The following ARHGAP22 variants were observed in gnomAD, a reference collection of about 807,000 sequenced individuals.
ARHGAP22 encodes the protein Rho GTPase activating protein 22, also known as rho GTPase-activating protein 22.
ARHGAP22 carries 48 observed loss-of-function variants against 59.1 expected under a neutral mutation model. That is an observed-to-expected ratio of 0.81 (90% CI 0.64 to 1.03). ARHGAP22 has a LOEUF of 1.03. Among genes scored for constraint, ARHGAP22 ranks in the 50% least tolerant of loss-of-function variants. The pLI is 0.00. For missense variants in ARHGAP22, 1,015 were observed against 958.7 expected, an observed-to-expected ratio of 1.06 and a Z score of -0.78; for synonymous variants, 445 against 416.4, an observed-to-expected ratio of 1.07 and a Z score of -0.84.
At chr10:48,565,416 C>T (rs967712551) in intron 2 of ARHGAP22, among the ~76,000 whole-genome samples, 2 of 152,168 alleles carry the variant, frequency 1.3e-5, no homozygotes, top group Admixed American at 6.5e-5. Flanking sequence ...TCCACCAACC[C>T]GGCTGAACCT....
At chr10:48,644,414 A>G (rs1046580879) in intron 1 of ARHGAP22, among the ~76,000 whole-genome samples, 16 of 152,228 alleles carry the variant, frequency 1.1e-4, no homozygotes, top group Admixed American at 2.6e-4. Context: ...GTCTTGAACA[A>G]CAGTATCAAC....
At chr10:48,482,052 G>T (rs1178141044) in intron 3 of ARHGAP22, among the ~76,000 whole-genome samples, 1 of 152,134 alleles carries the variant, frequency 6.6e-6, no homozygotes, top group Non-Finnish European at 1.5e-5. Flanking sequence ...CCCAGTCCAT[G>T]TCTCTCTCTT....
At chr10:48,620,926 G>A (rs2061263906) in intron 1 of ARHGAP22, among the ~76,000 whole-genome samples, 1 of 152,256 alleles carries the variant, frequency 6.6e-6, no homozygotes, top group Admixed American at 6.5e-5. Flanking sequence ...CTCAGAGGGA[G>A]GAGTTCAGGC....
chr10:48,539,291 ATT>A (rs56801787), intron 3 of ARHGAP22, among the ~76,000 whole-genome samples: 2 of 136,248 alleles, frequency 1.5e-5, no homozygotes, highest in Non-Finnish European at 1.5e-5. Context: ...GAAGGGTAAC[ATT>A]TTTTTTTTTT....
chr10:48,433,680 A>G, the ARHGAP22 span, among the ~76,000 whole-genome samples: 1 of 152,022 alleles, frequency 6.6e-6, no homozygotes, highest in Non-Finnish European at 1.5e-5. Context: ...TATTCCCACT[A>G]CACTGCCTAT....
intron 4 of ARHGAP22, among the ~76,000 whole-genome samples, chr10:48,475,612 C>T (rs1001163563): frequency 3.3e-5 from 5 of 152,242 alleles, no homozygotes; most frequent in African/African-American, 1.2e-4. Context: ...ATACACCTCT[C>T]ATCCATCTTA....
At chr10:48,627,391 CTGGAGAGCTAA>C (rs1423103098) in intron 1 of ARHGAP22, among the ~76,000 whole-genome samples, 2 of 152,184 alleles carry the variant, frequency 1.3e-5, no homozygotes, top group African/African-American at 4.8e-5. Context: ...TGCACTAGCT[CTGGAGAGCTAA>C]TGTCAGAATT....
At chr10:48,544,919 A>G (rs1253899532) in intron 3 of ARHGAP22, among the ~76,000 whole-genome samples, 3 of 152,218 alleles carry the variant, frequency 2.0e-5, no homozygotes, top group South Asian at 2.1e-4. Flanking sequence ...ATAAGTAAAT[A>G]TATATCAAGT....
At chr10:48,643,211 T>A (rs2062128749) in intron 1 of ARHGAP22, among the ~76,000 whole-genome samples, 1 of 152,102 alleles carries the variant, frequency 6.6e-6, no homozygotes, top group South Asian at 2.1e-4. Context: ...ACTAGAAATA[T>A]CATTTGACCC....
rs940539152 is a variant in ARHGAP22, at chr10:48,456,648, C to A, written c.660-1514G>T. Among the ~76,000 whole-genome samples the A allele has an allele frequency of 3.3e-5, 5 of 152,278 alleles. No individual in the cohort carries two copies. In the South Asian group the frequency reaches 6.2e-4, roughly 19 times the overall value. On this transcript the variant is annotated intron_variant, in intron 5 of 9. Transcript: ENST00000249601. ...AGCCCGTATGTCTTCCCCTTTTCTG[C>A]AGCTGGGGGGATGGGAGCATTTCTG... is the stretch of plus-strand genomic sequence containing the variant.
intron 3 of ARHGAP22, among the ~76,000 whole-genome samples, chr10:48,545,653 A>G (rs1348745936): frequency 6.6e-6 from 1 of 152,192 alleles, no homozygotes; most frequent in Non-Finnish European, 1.5e-5. Flanking sequence ...TCAGACACAC[A>G]GTATCTGTCT....
chr10:48,595,490 T>C (rs1187351795), intron 1 of ARHGAP22, among the ~76,000 whole-genome samples: 6 of 152,214 alleles, frequency 3.9e-5, no homozygotes, highest in African/African-American at 1.2e-4. Context: ...GCCCCTACTT[T>C]TAAAAACTTG....
At chr10:48,582,052 C>T (rs1361289264) in intron 2 of ARHGAP22, among the ~76,000 whole-genome samples, 2 of 152,206 alleles carry the variant, frequency 1.3e-5, no homozygotes, top group Non-Finnish European at 2.9e-5. Context: ...AGGAAAGGGA[C>T]ATTTTCTCAT....
rs759103843 is a variant in ARHGAP22 at position 48,583,078 on chromosome 10, G to C, written c.109C>G (p.Pro37Ala). Residue 37 changes from proline (P) to alanine (A), a missense_variant, in exon 2 of 10, where the codon CCC becomes GCC. Transcript: ENST00000249601. ...TTCAGCCAGCCCGCCTTCAGCACGG[G>C]GCCCAGCCTGTGAGGGCACGGCATC... ...GRMPCPHRLG[P>A]VLKAGWLKKQ... 6.2e-7 allele frequency: 1 copy of C among 1,614,238 alleles called. No homozygotes were observed. The highest frequency in any genetic ancestry group is 2.2e-5 in the East Asian group (1 of 44,886).
intron 2 of ARHGAP22, among the ~76,000 whole-genome samples, chr10:48,556,860 T>C (rs964137771): frequency 1.3e-5 from 2 of 152,134 alleles, no homozygotes; most frequent in Non-Finnish European, 2.9e-5. Context: ...TGTATCCAGG[T>C]CGCCTCCTGC....
chr10:48,634,364 C>T (rs992422970), intron 1 of ARHGAP22, among the ~76,000 whole-genome samples: 5 of 152,192 alleles, frequency 3.3e-5, no homozygotes, highest in African/African-American at 1.2e-4. Flanking sequence ...CAGAGCTGGG[C>T]CATAGGAGAG....
intron 1 of ARHGAP22, among the ~76,000 whole-genome samples, chr10:48,637,550 G>C (rs555118556): frequency 5.6e-4 from 85 of 151,736 alleles, no homozygotes; most frequent in African/African-American, 2.0e-3. Context: ...ATGGATGGAT[G>C]GATGGGTAAA....
intron 5 of ARHGAP22, among the ~76,000 whole-genome samples, chr10:48,458,311 T>C (rs1289167142): frequency 6.6e-6 from 1 of 151,360 alleles, no homozygotes; most frequent in Non-Finnish European, 1.5e-5. Context: ...AGGCCGAGAG[T>C]CAGGTCTGCA....
chr10:48,463,699 C>T (rs2047375651), intron 4 of ARHGAP22, among the ~76,000 whole-genome samples: 1 of 152,192 alleles, frequency 6.6e-6, no homozygotes, highest in Non-Finnish European at 1.5e-5. Context: ...CAGATCCTCC[C>T]TTCAGCTTTC....
Sources: allele counts gnomAD v4.1 joint callset (sites outside exome capture counted in the v4.1 genomes callset), GRCh38; gene constraint gnomAD v4.1.1; transcripts MANE v1.5; gene names NCBI Gene and HGNC (gene_info 2026-07-23, HGNC 2026-07-21).